OR9Q1: variants seen among roughly 807,000 people sequenced by gnomAD.
OR9Q1 encodes olfactory receptor family 9 subfamily Q member 1, also known as olfactory receptor 9Q1.
For synonymous variants in OR9Q1, 153 were observed against 148.6 expected (o/e 1.03, Z -0.22); for missense variants, 374 against 378.8 (o/e 0.99, Z 0.11).
chr11:58,079,516 C>T (rs779933549), intron 2 of OR9Q1, among the ~76,000 whole-genome samples: 8 of 152,104 alleles, frequency 5.3e-5, no homozygotes, highest in Non-Finnish European at 1.5e-5. Context: ...AAGCAACTCT[C>T]ATCGAAAGAC....
intron 1 of OR9Q1, among the ~76,000 whole-genome samples, chr11:58,029,436 G>A (rs1326147678): frequency 6.6e-6 from 1 of 152,140 alleles, no homozygotes; most frequent in African/African-American, 2.4e-5. Context: ...CCCTTATTCT[G>A]TTGTTAAGCA....
At chr11:58,034,074 CTTTT>C (rs61109050) in intron 1 of OR9Q1, among the ~76,000 whole-genome samples, 51 of 61,106 alleles carry the variant, frequency 8.3e-4, no homozygotes, top group Non-Finnish European at 9.6e-4. Flanking sequence ...TCAGCACTTG[CTTTT>C]TTTTTTTTTT....
chr11:58,083,741 T>C (rs117960683), intron 2 of OR9Q1, among the ~76,000 whole-genome samples: 9,465 of 151,950 alleles, frequency 0.062, 451 homozygotes, highest in Non-Finnish European at 0.093. Context: ...CTTGTTTCTG[T>C]CGACTTTGTT....
At chr11:58,158,527 G>T (rs1196173309) in intron 2 of OR9Q1, among the ~76,000 whole-genome samples, 1 of 150,832 alleles carries the variant, frequency 6.6e-6, no homozygotes, top group Non-Finnish European at 1.5e-5. Flanking sequence ...CCAGGTCCTT[G>T]CTATATCACA....
At chr11:58,132,037 A>G (rs1481034776) in intron 2 of OR9Q1, among the ~76,000 whole-genome samples, 1 of 152,172 alleles carries the variant, frequency 6.6e-6, no homozygotes, top group Non-Finnish European at 1.5e-5. Flanking sequence ...AGTGTTTTAT[A>G]TGTATCATCT....
chr11:58,104,969 A>C (rs1853826307), intron 2 of OR9Q1, among the ~76,000 whole-genome samples: 1 of 152,196 alleles, frequency 6.6e-6, no homozygotes, highest in South Asian at 2.1e-4. Context: ...AATTCGGACT[A>C]ATCCAAACTT....
chr11:58,050,222 A>T (rs1407400386), intron 1 of OR9Q1, among the ~76,000 whole-genome samples: 10 of 137,350 alleles, frequency 7.3e-5, no homozygotes, highest in South Asian at 4.9e-4. Context: ...AGTAACCAAA[A>T]CAGCATGGTG....
intron 2 of OR9Q1, chr11:58,075,436 A>C (rs1221488191): frequency 6.6e-6 from 1 of 152,254 alleles, no homozygotes; most frequent in Non-Finnish European, 1.5e-5. Flanking sequence ...GGTGCACGGC[A>C]GCTGTGCCCC....
chr11:58,065,602 G>C (rs765563045), intron 2 of OR9Q1, among the ~76,000 whole-genome samples: 11 of 152,142 alleles, frequency 7.2e-5, no homozygotes, highest in Non-Finnish European at 1.5e-4. Context: ...TGCTGACAAG[G>C]GTGGGTCTGG....
intron 2 of OR9Q1, among the ~76,000 whole-genome samples, chr11:58,153,630 G>A (rs369968497): frequency 1.3e-5 from 2 of 151,890 alleles, no homozygotes; most frequent in East Asian, 3.9e-4. Context: ...TAAAACTTGG[G>A]TTTTAAACTC....
At chr11:58,061,138 C>G (rs1304466666) in intron 2 of OR9Q1, among the ~76,000 whole-genome samples, 1 of 152,186 alleles carries the variant, frequency 6.6e-6, no homozygotes, top group East Asian at 1.9e-4. Context: ...ACAGGCTCCT[C>G]AGGTCAGTGC....
At chr11:58,153,061 A>G (rs1024997062) in intron 2 of OR9Q1, among the ~76,000 whole-genome samples, 1 of 152,214 alleles carries the variant, frequency 6.6e-6, no homozygotes, top group Non-Finnish European at 1.5e-5. Flanking sequence ...ACATGATAAC[A>G]TTCTAGAAGA....
intron 2 of OR9Q1, among the ~76,000 whole-genome samples, chr11:58,119,961 A>G (rs1319881058): frequency 6.6e-6 from 1 of 152,172 alleles, no homozygotes; most frequent in African/African-American, 2.4e-5. Context: ...GCCTTTCACA[A>G]GTTGGAACTG....
intron 2 of OR9Q1, among the ~76,000 whole-genome samples, chr11:58,126,793 C>T (rs540143318): frequency 1.3e-5 from 2 of 152,126 alleles, no homozygotes; most frequent in Admixed American, 6.5e-5. Flanking sequence ...AAGGAATATG[C>T]CAGTAATAAG....
chr11:58,165,277 C>A (rs575665595), intron 2 of OR9Q1, among the ~76,000 whole-genome samples: 1 of 152,168 alleles, frequency 6.6e-6, no homozygotes, highest in African/African-American at 2.4e-5. Flanking sequence ...ATCTAACACA[C>A]GCTTAATGCC....
intron 1 of OR9Q1, among the ~76,000 whole-genome samples, chr11:58,048,743 A>T (rs1243421656): frequency 7.0e-6 from 1 of 142,642 alleles, no homozygotes; most frequent in African/African-American, 2.5e-5. Context: ...AATAGACACA[A>T]TAAAAAATGA....
At chr11:58,120,442 A>C (rs909021379) in intron 2 of OR9Q1, among the ~76,000 whole-genome samples, 1 of 151,890 alleles carries the variant, frequency 6.6e-6, no homozygotes, top group Non-Finnish European at 1.5e-5. Context: ...TCTTTTTTTG[A>C]ATTTGAATAT....
chr11:58,096,573 G>C (rs1853734004), intron 2 of OR9Q1, among the ~76,000 whole-genome samples: 1 of 152,100 alleles, frequency 6.6e-6, no homozygotes, highest in Non-Finnish European at 1.5e-5. Flanking sequence ...GGAGTGCAGT[G>C]GCACTATCAG....
At chr11:58,158,490 T>G (rs1854428970) in intron 2 of OR9Q1, among the ~76,000 whole-genome samples, 1 of 150,686 alleles carries the variant, frequency 6.6e-6, no homozygotes, top group African/African-American at 2.4e-5. Flanking sequence ...CTATTAGTCC[T>G]AATCATGTCT....
Sources: allele counts gnomAD v4.1 joint callset (sites outside exome capture counted in the v4.1 genomes callset), GRCh38; gene constraint gnomAD v4.1.1; transcripts MANE v1.5; gene names NCBI Gene and HGNC (gene_info 2026-07-23, HGNC 2026-07-21).